Variants in SMYD3 observed in about 807,000 individuals in gnomAD.
The protein encoded by SMYD3 is SET and MYND domain containing 3.
In SMYD3, 36 loss-of-function variants were observed where a neutral mutation model predicts 57.7. The ratio of observed to expected loss-of-function variants is 0.62; its 90% CI spans 0.48 to 0.82. The LOEUF (loss-of-function observed/expected upper bound fraction) is 0.82. Ranked by LOEUF, SMYD3 falls within the 40% of genes least tolerant of loss-of-function variation. SMYD3 has a pLI of 0.00. For synonymous variants in SMYD3, 211 were observed against 195.0 expected, an observed-to-expected ratio of 1.08 and a Z score of -0.68; for missense variants, 515 against 538.8, an observed-to-expected ratio of 0.96 and a Z score of 0.44.
chr1:245,830,375 A>G (rs1271607727), intron 10 of SMYD3, among the ~76,000 whole-genome samples: 1 of 152,214 alleles, frequency 6.6e-6, no homozygotes, highest in African/African-American at 2.4e-5. Context: ...ACTCCCACTT[A>G]TAAAACCATT....
At chr1:246,294,001 TATG>T (rs2064746508) in intron 5 of SMYD3, among the ~76,000 whole-genome samples, 1 of 152,164 alleles carries the variant, frequency 6.6e-6, no homozygotes, top group South Asian at 2.1e-4. Context: ...CCTTGGTTTC[TATG>T]ATATCTTTCT....
intron 10 of SMYD3, among the ~76,000 whole-genome samples, chr1:245,798,773 T>A (rs984513427): frequency 1.3e-5 from 2 of 152,098 alleles, no homozygotes; most frequent in African/African-American, 2.4e-5. Context: ...GTTGTTTGAA[T>A]CTCTTCAGAT....
intron 1 of SMYD3, among the ~76,000 whole-genome samples, chr1:246,491,897 A>T (rs907986941): frequency 3.3e-5 from 5 of 152,344 alleles, no homozygotes; most frequent in African/African-American, 9.6e-5. Context: ...AAACGAAAAC[A>T]AGACCACTCT....
chr1:245,799,524 CAA>C (rs2047752030), intron 10 of SMYD3, among the ~76,000 whole-genome samples: 1 of 146,798 alleles, frequency 6.8e-6, no homozygotes, highest in African/African-American at 2.5e-5. Flanking sequence ...GATATCATGA[CAA>C]GAAGTAAATT....
chr1:245,806,777 G>A (rs1363823430), intron 10 of SMYD3, among the ~76,000 whole-genome samples: 2 of 151,316 alleles, frequency 1.3e-5, no homozygotes, highest in Non-Finnish European at 2.9e-5. Context: ...GGGCGCGGTG[G>A]CGGGCGCCTG....
At chr1:245,949,825 A>ACCCCCCC (rs376505931) in intron 5 of SMYD3, among the ~76,000 whole-genome samples, 29 of 93,286 alleles carry the variant, frequency 3.1e-4, no homozygotes, top group Non-Finnish European at 4.9e-4. Context: ...AAAGAAACCC[A>ACCCCCCC]CCCCCCCCAC....
intron 5 of SMYD3, among the ~76,000 whole-genome samples, chr1:246,050,118 A>G (rs1232526779): frequency 3.3e-5 from 5 of 152,228 alleles, no homozygotes; most frequent in African/African-American, 1.2e-4. Context: ...TGTTCTTTTC[A>G]CTTTGAAATG....
chr1:245,913,379 G>A (rs1164122760), intron 8 of SMYD3, among the ~76,000 whole-genome samples: 179 of 125,612 alleles, frequency 1.4e-3, no homozygotes, highest in Admixed American at 2.3e-3. Flanking sequence ...GGGGGAGGGG[G>A]GAGGGATAGC....
At chr1:245,767,945 G>A (rs1257557957) in intron 10 of SMYD3, among the ~76,000 whole-genome samples, 1 of 152,160 alleles carries the variant, frequency 6.6e-6, no homozygotes, top group African/African-American at 2.4e-5. Context: ...AAATACTTGA[G>A]GTAGGATAGC....
At chr1:246,479,506 T>TTC (rs1381269203) in intron 1 of SMYD3, among the ~76,000 whole-genome samples, 1 of 126,922 alleles carries the variant, frequency 7.9e-6, no homozygotes, top group Non-Finnish European at 1.5e-5. Context: ...AGCGGGATTT[T>TTC]TTTTTTTTTT....
Position 246,219,865 on chromosome 1 carries a change from C to T in SMYD3, c.531+107336G>A, listed in dbSNP as rs539256628. ...CATGAGGGGTGGAACGCAGCAGATC[C>T]GACTGAGTGGGGTTCACTGCTGGTG... is the stretch of plus-strand genomic sequence containing the variant. On this transcript the variant is annotated intron_variant, in intron 5 of 11. Coordinates refer to ENST00000490107, the MANE Select transcript of SMYD3 (RefSeq NM_001167740.2). Among the ~76,000 whole-genome samples, 24 of 152,174 alleles carry T rather than the reference C, an allele frequency of 1.6e-4. No homozygotes were observed. In the East Asian group the frequency reaches 3.7e-3, roughly 23 times the overall value.
At position 245,927,970 on chromosome 1, in the gene SMYD3, G is replaced by A. The variant is rs756756709; in HGVS notation, c.663C>T (p.Leu221=). ...NCSIVFNGPH[L]LLRAVRDIEV... is the part of the protein sequence containing the mutation. ...CGATGTCTCGGACTGCTCGCAGTAA[G>A]AGGTGGGGCCCATTGAACACAATCG... The change falls in exon 7 of 12, where the codon CTC becomes CTT. Residue 221 remains leucine, a synonymous_variant. Transcript: ENST00000490107. 1.9e-6 allele frequency: 3 copies of A among 1,613,080 alleles called. No homozygotes were observed. The highest frequency in any genetic ancestry group is 8.5e-7 in the Non-Finnish European group (1 of 1,179,402).
chr1:246,390,984 C>A (rs1298547011), intron 1 of SMYD3, among the ~76,000 whole-genome samples: 1 of 151,890 alleles, frequency 6.6e-6, no homozygotes, highest in Non-Finnish European at 1.5e-5. Flanking sequence ...CTATAGAAAA[C>A]AAAAATCAAA....
rs115895170 is a variant in SMYD3, at chr1:245,825,712, A to G, written c.1076+32784T>C. Among the ~76,000 whole-genome samples, 1,126 of 152,212 alleles carry G rather than the reference A, an allele frequency of 7.4e-3. 17 individuals carry two copies. The highest frequency in any genetic ancestry group is 0.026 in the African/African-American group (1,069 of 41,536). ...AATTGATGAGCACAGCAAGAAACAG[A>G]ACTTCACTGAGCATGCTGAACATGT... On this transcript the variant is annotated intron_variant, in intron 10 of 11. Coordinates refer to ENST00000490107, the MANE Select transcript of SMYD3 (RefSeq NM_001167740.2).
chr1:246,208,260 G>T (rs1434233890), intron 5 of SMYD3, among the ~76,000 whole-genome samples: 1 of 152,140 alleles, frequency 6.6e-6, no homozygotes, highest in Non-Finnish European at 1.5e-5. Context: ...GAAAGGCCCA[G>T]TCATTGTGAA....
At chr1:246,059,668 A>C (rs1217895253) in intron 5 of SMYD3, among the ~76,000 whole-genome samples, 1 of 152,198 alleles carries the variant, frequency 6.6e-6, no homozygotes, top group Non-Finnish European at 1.5e-5. Context: ...AAGGTCTTAA[A>C]AACTTTTGAG....
Position 245,927,651 on chromosome 1 carries a change from C to A in SMYD3, c.702+280G>T, listed in dbSNP as rs182580604. Among the ~76,000 whole-genome samples, 229 of 152,264 alleles carry A rather than the reference C, an allele frequency of 1.5e-3. 2 individuals are homozygous for A. The highest frequency in any genetic ancestry group is 8.1e-4 in the Non-Finnish European group (55 of 68,020). On this transcript the variant is annotated intron_variant, in intron 7 of 11. Transcript: ENST00000490107. ...TCCCTGTGTGTGCATAAAACACACA[C>A]CCTCTGTCATACACAAACTCCTCTC...
intron 5 of SMYD3, among the ~76,000 whole-genome samples, chr1:246,050,953 T>G (rs1478847266): frequency 6.6e-6 from 1 of 152,044 alleles, no homozygotes. Context: ...GGATAAGCTA[T>G]GAATGTTACT....
chr1:246,451,069 G>A lies in SMYD3; in HGVS notation c.164+55985C>T, dbSNP rs73134143. 2.2e-3 allele frequency among the ~76,000 whole-genome samples: 342 copies of A among 152,256 alleles called. 3 individuals carry two copies. Among genetic ancestry groups the A allele is most frequent in the African/African-American group, 7.8e-3 (326 of 41,542 alleles). ...CACAAACATTCAGCAGGTGCCTGCC[G>A]GTCCTGGAAATTATGCCAGGCTCCA... is the stretch of plus-strand genomic sequence containing the variant. On this transcript the variant is annotated intron_variant, in intron 1 of 11. Transcript: ENST00000490107.
Sources: gnomAD v4.1 joint callset for allele counts (sites outside exome capture counted in the v4.1 genomes callset) on GRCh38, gnomAD v4.1.1 for gene constraint, MANE v1.5 for transcripts, NCBI Gene and HGNC (gene_info 2026-07-23, HGNC 2026-07-21) for gene names.